CIB2: variants seen among roughly 807,000 people sequenced by gnomAD.
CIB2 encodes the protein calcium and integrin binding family member 2.
In CIB2, 19 loss-of-function variants were observed where a neutral mutation model predicts 23.1. The ratio of observed to expected loss-of-function variants is 0.82; its 90% CI spans 0.57 to 1.21. The LOEUF (loss-of-function observed/expected upper bound fraction) is 1.21, where lower values mean the gene tolerates loss of function less well. Among genes scored for constraint, CIB2 ranks in the 50% most tolerant of loss-of-function variants. The pLI is 0.00. For synonymous variants in CIB2, 94 were observed against 91.7 expected (o/e 1.03, Z -0.14); for missense variants, 220 against 241.5 (o/e 0.91, Z 0.59).
At chr15:78,115,712 C>T (rs1306187612) in intron 2 of CIB2, among the ~76,000 whole-genome samples, 1 of 113,138 alleles carries the variant, frequency 8.8e-6, no homozygotes, top group African/African-American at 3.4e-5. Flanking sequence ...GAGTCTTGCA[C>T]TGTCACCCAG....
chr15:78,124,431 G>A (rs1020432863), intron 1 of CIB2, among the ~76,000 whole-genome samples: 2 of 151,966 alleles, frequency 1.3e-5, no homozygotes, highest in Non-Finnish European at 2.9e-5. Flanking sequence ...GGCAGCACTT[G>A]GCTCCTAGGG....
Position 78,131,065 on chromosome 15 carries a change from G to C in CIB2, c.51+100C>G. On this transcript the variant is annotated intron_variant, in intron 1 of 5. Transcript: ENST00000258930. This position sits in a 1 kb window ranked among gnomAD's most constrained non-coding sequence, Gnocchi z 5.8. ...GAAGGCAGAGGCAGGGTTTGAACCT[G>C]GGAGAGCTGGCTCTCGGGAGGCCTC... The C allele has an allele frequency of 9.2e-7, 1 of 1,087,898 alleles. No homozygotes were observed. The highest frequency in any genetic ancestry group is 1.3e-6 in the Non-Finnish European group (1 of 768,900). The allele number at this position is 1,087,898 out of a possible 1,614,324, so 67.4% of individuals were successfully genotyped here.
intron 2 of CIB2, among the ~76,000 whole-genome samples, chr15:78,112,513 G>A (rs2074175958): frequency 6.6e-6 from 1 of 152,228 alleles, no homozygotes; most frequent in Non-Finnish European, 1.5e-5. Context: ...GCTGCAGTGA[G>A]CTATGATTGC....
At chr15:78,128,220 C>T (rs2074407170) in intron 1 of CIB2, among the ~76,000 whole-genome samples, 1 of 152,160 alleles carries the variant, frequency 6.6e-6, no homozygotes. Flanking sequence ...GGGAGCCCGT[C>T]CCAAAGAGGT....
chr15:78,123,283 C>A (rs1252456274), intron 2 of CIB2, among the ~76,000 whole-genome samples: 1 of 152,144 alleles, frequency 6.6e-6, no homozygotes, highest in African/African-American at 2.4e-5. Flanking sequence ...GGACTCCCTG[C>A]TATACCAGGA....
chr15:78,118,973 G>A (rs962442856), intron 2 of CIB2, among the ~76,000 whole-genome samples: 3 of 152,094 alleles, frequency 2.0e-5, no homozygotes, highest in Non-Finnish European at 4.4e-5. Context: ...TTGAGGTCAG[G>A]AGTTCGAGAT....
chr15:78,124,936 C>T (rs548760111), intron 1 of CIB2, among the ~76,000 whole-genome samples: 6 of 152,302 alleles, frequency 3.9e-5, no homozygotes, highest in Non-Finnish European at 8.8e-5. Flanking sequence ...CACTGGGTGC[C>T]TTCGGGAGAG....
At chr15:78,126,150 C>CCCT (rs397701039) in intron 1 of CIB2, among the ~76,000 whole-genome samples, 5 of 138,902 alleles carry the variant, frequency 3.6e-5, no homozygotes, top group East Asian at 2.2e-4. Flanking sequence ...GCCCCCCCCC[C>CCCT]TTTTTTTTTT....
chr15:78,128,518 A>C (rs1406792872), intron 1 of CIB2, among the ~76,000 whole-genome samples: 1 of 152,136 alleles, frequency 6.6e-6, no homozygotes, highest in Non-Finnish European at 1.5e-5. Context: ...TTTTACTAAA[A>C]ATACAAAAAT....
chr15:78,120,878 G>A (rs934986314), intron 2 of CIB2, among the ~76,000 whole-genome samples: 1 of 152,174 alleles, frequency 6.6e-6, no homozygotes, highest in Admixed American at 6.5e-5. Context: ...AAGGCCCTTG[G>A]GAGCAGGGAA....
chr15:78,123,840 C>G lies in CIB2; in HGVS notation c.52-101G>C. Reference sequence around the variant, plus strand: ...AGGGCTCACAGGGGATAGCTCCGGACTGGGGACAGAAGAGTCACTACTATC... The same window carrying G: ...AGGGCTCACAGGGGATAGCTCCGGAGTGGGGACAGAAGAGTCACTACTATC... On this transcript the variant is annotated intron_variant, in intron 1 of 5. Transcript: ENST00000258930. The G allele has an allele frequency of 3.7e-6, 5 of 1,346,050 alleles. No homozygotes were observed. In the Admixed American group the frequency reaches 8.6e-5, roughly 23 times the overall value. 83.4% of individuals were successfully genotyped at this position (1,346,050 alleles called of 1,614,324 possible). A position where few individuals can be genotyped will look rare whatever the true frequency, so the allele number is the denominator to read the frequency against.
chr15:78,127,013 C>T (rs1172758498), intron 1 of CIB2, among the ~76,000 whole-genome samples: 1 of 152,172 alleles, frequency 6.6e-6, no homozygotes, highest in Non-Finnish European at 1.5e-5. Context: ...AGTCATTCTC[C>T]TTTCTGAGCC....
chr15:78,129,479 A>G lies in CIB2; in HGVS notation c.51+1686T>C, dbSNP rs112579219. On this transcript the variant is annotated intron_variant, in intron 1 of 5. Coordinates refer to ENST00000258930, the MANE Select transcript of CIB2 (RefSeq NM_006383.4). ...CCTGCCCACTCCCAAGCCTTTATCC[A>G]CGCTGTCCCCTCCACCTGGAATGCC... Among the ~76,000 whole-genome samples the G allele has an allele frequency of 3.0e-3, 450 of 151,864 alleles. 1 individual carries two copies. Among genetic ancestry groups the G allele is most frequent in the African/African-American group, 1.0e-2 (413 of 41,418 alleles).
At chr15:78,117,238 G>T in intron 2 of CIB2, among the ~76,000 whole-genome samples, 1 of 38,036 alleles carries the variant, frequency 2.6e-5, no homozygotes, top group Non-Finnish European at 5.3e-5. Flanking sequence ...GTTTCTTCAA[G>T]CTACTGGCAA....
At chr15:78,121,958 G>C (rs1054516629) in intron 2 of CIB2, among the ~76,000 whole-genome samples, 13 of 152,218 alleles carry the variant, frequency 8.5e-5, no homozygotes, top group African/African-American at 3.1e-4. Context: ...AGCAGGAGAA[G>C]CTGGCCTGTG....
chr15:78,109,323 G>A lies in CIB2; in HGVS notation c.258C>T (p.Leu86=), dbSNP rs1462054778. The A allele has an allele frequency of 1.7e-5, 28 of 1,613,978 alleles. No homozygotes were observed. Among genetic ancestry groups the A allele is most frequent in the Non-Finnish European group, 2.4e-5 (28 of 1,180,044 alleles). ...ACATGTCCACAAAGTCGTTGAAAGT[G>A]AGGTTCCCCTCACCATCCTCGGAAA... ...AAFSEDGEGN[L]TFNDFVDMFS... is the part of the protein sequence containing the mutation. The change falls in exon 4 of 6, where the codon CTC becomes CTT. Residue 86 remains leucine, a synonymous_variant. Transcript: ENST00000258930.
At chr15:78,130,807 A>C (rs2074443099) in intron 1 of CIB2, among the ~76,000 whole-genome samples, 1 of 152,124 alleles carries the variant, frequency 6.6e-6, no homozygotes, top group African/African-American at 2.4e-5. Flanking sequence ...GCTGGGGGGC[A>C]GGGAGCGGGG....
In CIB2 at chr15:78,131,312, G is replaced by GCCCCGC. The variant is rs1043539185; in HGVS notation, c.-103_-98dup. On this transcript the variant is annotated 5_prime_UTR_variant, in exon 1 of 6. Coordinates refer to ENST00000258930, the MANE Select transcript of CIB2 (RefSeq NM_006383.4). The surrounding 1 kb of genome is among the most constrained non-coding windows in gnomAD (Gnocchi z 5.8). Reference sequence around the variant, plus strand: ...CGCCCCGTGCCCGCGGCCCTCGGCAGCCCCGCGGCTGGCAGCGGCCCACGG... The same window carrying GCCCCGC: ...CGCCCCGTGCCCGCGGCCCTCGGCAGCCCCGCCCCCGCGGCTGGCAGCGGCCCACGG... 255 of 1,027,610 alleles carry GCCCCGC rather than the reference G, an allele frequency of 2.5e-4. No homozygotes were observed. In the African/African-American group the frequency reaches 4.1e-3, roughly 16 times the overall value. The allele number at this position is 1,027,610 out of a possible 1,614,324, so 63.7% of individuals were successfully genotyped here. A position where few individuals can be genotyped will look rare whatever the true frequency, so the allele number is the denominator to read the frequency against.
At chr15:78,128,543 G>T (rs1165493347) in intron 1 of CIB2, among the ~76,000 whole-genome samples, 6 of 152,170 alleles carry the variant, frequency 3.9e-5, no homozygotes, top group African/African-American at 1.4e-4. Flanking sequence ...TGGGCATGGT[G>T]GTGGGTGCCT....
Sources: allele counts gnomAD v4.1 joint callset (sites outside exome capture counted in the v4.1 genomes callset), GRCh38; gene constraint gnomAD v4.1.1; non-coding constraint Gnocchi (gnomAD v3.1); transcripts MANE v1.5; gene names NCBI Gene and HGNC (gene_info 2026-07-23, HGNC 2026-07-21).